The following PDE1C variants were observed in gnomAD, a reference collection of about 807,000 sequenced individuals.
PDE1C encodes phosphodiesterase 1C, also known as dual specificity calcium/calmodulin-dependent 3',5'-cyclic nucleotide phosphodiesterase 1C.
Under a neutral mutation model 93.1 loss-of-function variants are expected in PDE1C, and 62 were observed. The observed-to-expected ratio is 0.67, with a 90% CI of 0.54 to 0.82. The LOEUF is 0.82. Among genes scored for constraint, PDE1C ranks in the 40% least tolerant of loss-of-function variants. PDE1C has a pLI of 0.00. For missense variants in PDE1C, 742 were observed against 884.6 expected, an observed-to-expected ratio of 0.84 and a Z score of 2.04; for synonymous variants, 325 against 310.1, an observed-to-expected ratio of 1.05 and a Z score of -0.50.
chr7:32,239,623 T>C (rs1042979902), intron 1 of PDE1C, among the ~76,000 whole-genome samples: 1 of 152,224 alleles, frequency 6.6e-6, no homozygotes, highest in Non-Finnish European at 1.5e-5. Context: ...AACTTTACTT[T>C]ACTAATAATC....
At chr7:32,251,902 C>T (rs1158824247) in intron 1 of PDE1C, among the ~76,000 whole-genome samples, 3 of 152,194 alleles carry the variant, frequency 2.0e-5, no homozygotes, top group Non-Finnish European at 4.4e-5. Flanking sequence ...TCAGGTCCAG[C>T]CACAGTGAGG....
At chr7:32,363,252 A>G (rs932894537) in intron 1 of PDE1C, among the ~76,000 whole-genome samples, 19 of 152,218 alleles carry the variant, frequency 1.2e-4, no homozygotes, top group Non-Finnish European at 2.8e-4. Context: ...ATTGTATGTA[A>G]GTGTAAGTTA....
intron 3 of PDE1C, among the ~76,000 whole-genome samples, chr7:32,161,763 G>A (rs1327231254): frequency 6.6e-6 from 1 of 152,144 alleles, no homozygotes; most frequent in Non-Finnish European, 1.5e-5. Context: ...CAGAAAGAGT[G>A]TCCCGCTCCT....
intron 1 of PDE1C, among the ~76,000 whole-genome samples, chr7:32,376,275 T>C (rs1473460899): frequency 1.3e-5 from 2 of 152,258 alleles, no homozygotes; most frequent in African/African-American, 4.8e-5. Flanking sequence ...AAGATCTTTG[T>C]GATTTTATCT....
At chr7:32,374,289 A>AAGAAAG (rs1554314046) in intron 1 of PDE1C, among the ~76,000 whole-genome samples, 5 of 149,856 alleles carry the variant, frequency 3.3e-5, no homozygotes, top group African/African-American at 1.0e-4. Context: ...GAAAGAAAGA[A>AAGAAAG]AGAAAGAAAG....
chr7:31,658,548 T>A, the PDE1C span: 1 of 450,472 alleles, frequency 2.2e-6, no homozygotes, highest in Admixed American at 4.2e-5. Flanking sequence ...GTTGCATACG[T>A]AATTTCAAAT....
At chr7:32,306,007 G>A (rs371775214) in intron 1 of PDE1C, among the ~76,000 whole-genome samples, 14 of 152,218 alleles carry the variant, frequency 9.2e-5, no homozygotes, top group South Asian at 8.3e-4. Flanking sequence ...TCATAGGGGC[G>A]GTTTCCCCCA....
chr7:31,936,268 G>A (rs1394295327), intron 2 of PDE1C, among the ~76,000 whole-genome samples: 7 of 152,140 alleles, frequency 4.6e-5, no homozygotes, highest in Non-Finnish European at 1.0e-4. Flanking sequence ...ACAGTAACAT[G>A]TATCCATGTC....
At chr7:32,240,198 A>G (rs1326598843) in intron 1 of PDE1C, among the ~76,000 whole-genome samples, 2 of 152,176 alleles carry the variant, frequency 1.3e-5, no homozygotes, top group Admixed American at 1.3e-4. Context: ...TATGCACATT[A>G]TATTATTCAC....
intron 1 of PDE1C, among the ~76,000 whole-genome samples, chr7:32,255,918 G>A (rs1442465585): frequency 3.3e-5 from 5 of 152,138 alleles, no homozygotes; most frequent in African/African-American, 7.2e-5. Flanking sequence ...AGGACACATC[G>A]AATGTCTAAG....
intron 1 of PDE1C, among the ~76,000 whole-genome samples, chr7:32,058,095 C>G (rs1794344835): frequency 6.6e-6 from 1 of 152,160 alleles, no homozygotes; most frequent in Non-Finnish European, 1.5e-5. Flanking sequence ...CCCAGTTGGG[C>G]ACAAGATTTC....
intron 1 of PDE1C, among the ~76,000 whole-genome samples, chr7:32,412,886 G>C (rs1372574596): frequency 6.6e-6 from 1 of 151,310 alleles, no homozygotes; most frequent in Admixed American, 6.6e-5. Context: ...AATTCTAGAA[G>C]GGGTAAGACT....
At chr7:32,157,442 CA>C (rs1231286212) in intron 3 of PDE1C, among the ~76,000 whole-genome samples, 2 of 151,618 alleles carry the variant, frequency 1.3e-5, no homozygotes, top group Non-Finnish European at 2.9e-5. Context: ...ACATGTACCC[CA>C]AAAATATGTA....
the PDE1C span, among the ~76,000 whole-genome samples, chr7:31,651,709 A>C: frequency 1.3e-5 from 2 of 152,158 alleles, no homozygotes; most frequent in Non-Finnish European, 2.9e-5. Context: ...TAAATTTATT[A>C]AAAATTATTA....
intron 1 of PDE1C, among the ~76,000 whole-genome samples, chr7:32,355,484 C>T (rs1784013208): frequency 6.6e-6 from 1 of 151,988 alleles, no homozygotes; most frequent in Non-Finnish European, 1.5e-5. Flanking sequence ...AGTGCCCCTC[C>T]CTTTTCTGCA....
upstream of PDE1C, among the ~76,000 whole-genome samples, chr7:32,075,578 A>G (rs1796304672): frequency 6.6e-6 from 1 of 152,054 alleles, no homozygotes; most frequent in Admixed American, 6.5e-5. Context: ...CTCAGGAACC[A>G]CCTTCCCTAG....
At chr7:31,808,902 T>C (rs1787200101) in intron 16 of PDE1C, 129 bp downstream of exon 16, 4 of 574,116 alleles carry the variant, frequency 7.0e-6, no homozygotes, top group Admixed American at 5.9e-5. Flanking sequence ...CCTTTAAATA[T>C]AGTGAAGGGT....
At chr7:31,694,810 G>C in the PDE1C span, among the ~76,000 whole-genome samples, 1 of 152,128 alleles carries the variant, frequency 6.6e-6, no homozygotes, top group South Asian at 2.1e-4. Context: ...TGATAGACTC[G>C]ATGTAAAAGC....
intron 3 of PDE1C, chr7:32,169,674 A>G: frequency 2.3e-6 from 2 of 868,416 alleles, no homozygotes; most frequent in South Asian, 1.5e-5. Context: ...TAATTTATTC[A>G]GTGCAAAGAA....
Sources: allele counts gnomAD v4.1 joint callset (sites outside exome capture counted in the v4.1 genomes callset), GRCh38; gene constraint gnomAD v4.1.1; transcripts MANE v1.5; gene names NCBI Gene and HGNC (gene_info 2026-07-23, HGNC 2026-07-21).